The following IPO11 variants were observed in gnomAD, a reference collection of about 807,000 sequenced individuals.
IPO11 encodes importin 11.
IPO11 carries 66 observed loss-of-function variants against 143.2 expected under a neutral mutation model. That is an observed-to-expected ratio of 0.46 (90% CI 0.38 to 0.57). The LOEUF (loss-of-function observed/expected upper bound fraction) is 0.57. Among genes scored for constraint, IPO11 ranks in the 20% least tolerant of loss-of-function variants. The pLI is 0.00. For synonymous variants in IPO11, 385 were observed against 377.8 expected, an observed-to-expected ratio of 1.02 and a Z score of -0.22; for missense variants, 1,026 against 1,141.0, an observed-to-expected ratio of 0.90 and a Z score of 1.45.
rs186231608 is a variant in IPO11 at position 62,558,446 on chromosome 5, A to G, written c.2461-2690A>G. Among the ~76,000 whole-genome samples the G allele has an allele frequency of 8.6e-3, 1,317 of 152,354 alleles. 12 individuals carry two copies. Among genetic ancestry groups the G allele is most frequent in the South Asian group, 0.031 (150 of 4,834 alleles). On this transcript the variant is annotated intron_variant, in intron 26 of 29. Coordinates refer to ENST00000325324, the MANE Select transcript of IPO11 (RefSeq NM_016338.5). ...AGAAACTTTTACTATTTCAACAAAA[A>G]TATAGTGGCTTGCTATTGCTAGTAA...
At chr5:62,435,172 G>GTATATATATGTGTATATATATGTA in intron 1 of IPO11, among the ~76,000 whole-genome samples, 1 of 88,310 alleles carries the variant, frequency 1.1e-5, no homozygotes, top group Admixed American at 1.3e-4. Flanking sequence ...GTATATATAT[G>GTATATATATGTGTATATATATGTA]TATATATGTA....
At chr5:62,590,677 C>A (rs929735639) in intron 27 of IPO11, among the ~76,000 whole-genome samples, 2 of 152,092 alleles carry the variant, frequency 1.3e-5, no homozygotes, top group African/African-American at 4.8e-5. Context: ...GTCTGTGTTA[C>A]TGCCTGCCTG....
rs372526241 is a variant in IPO11 at position 62,626,347 on chromosome 5, A to G, written c.2764-807A>G. On this transcript the variant is annotated intron_variant, in intron 29 of 29. Coordinates refer to ENST00000325324, the MANE Select transcript of IPO11 (RefSeq NM_016338.5). ...CTGGCCCTACATTTTCCAAATATAC[A>G]TGGTACATTTATCAAAATTAAGAAA... 1.2e-4 allele frequency among the ~76,000 whole-genome samples: 18 copies of G among 152,274 alleles called. No homozygotes were observed. In the East Asian group the frequency reaches 1.9e-3, roughly 16 times the overall value.
At position 62,550,406 on chromosome 5, in the gene IPO11, C is replaced by A; in HGVS notation, c.2290C>A (p.Pro764Thr). 1.2e-6 allele frequency: 2 copies of A among 1,612,832 alleles called. No homozygotes were observed. Among genetic ancestry groups the A allele is most frequent in the South Asian group, 1.1e-5 (1 of 90,906 alleles). The stretch of plus-strand genomic sequence containing the variant: ...CCTTAAAGTGAACCCAATACTAGGT[C>A]CACAAATGTTTCAACCGATTTTACC... ...NALKVNPILG[P>T]QMFQPILPYV... The change falls in exon 25 of 30, where the codon CCA becomes ACA. Residue 764 changes from proline to threonine, a missense_variant. Around this residue, in one of 5 missense-constraint regions of IPO11, gnomAD observed 351 missense variants for 358.9 expected, o/e 0.98. Coordinates refer to ENST00000325324, the MANE Select transcript of IPO11 (RefSeq NM_016338.5).
At chr5:62,496,929 C>T (rs768150465) in intron 16 of IPO11, among the ~76,000 whole-genome samples, 7 of 152,190 alleles carry the variant, frequency 4.6e-5, no homozygotes, top group African/African-American at 9.6e-5. Flanking sequence ...CTCTGCCCAG[C>T]GGCCTCTGAT....
chr5:62,504,663 T>C lies in IPO11; in HGVS notation c.1591-4T>C. On this transcript the variant is annotated splice_region_variant and splice_polypyrimidine_tract_variant and intron_variant, in intron 16 of 29. Transcript: ENST00000325324. Reference sequence around the variant, plus strand: ...TTAAAAACTAATGATATACTTTCTTTTAGGTCCGTATTGAAACAGCTACAA... The same window carrying C: ...TTAAAAACTAATGATATACTTTCTTCTAGGTCCGTATTGAAACAGCTACAA... 1 of 1,452,358 alleles carries C rather than the reference T, an allele frequency of 6.9e-7. No individual in the cohort carries two copies. The highest frequency in any genetic ancestry group is 9.4e-7 in the Non-Finnish European group (1 of 1,060,018). The allele number at this position is 1,452,358 out of a possible 1,614,324, so 90.0% of individuals were successfully genotyped here. A position where few individuals can be genotyped will look rare whatever the true frequency, so the allele number is the denominator to read the frequency against.
intron 29 of IPO11, among the ~76,000 whole-genome samples, chr5:62,612,117 A>G (rs1403730360): frequency 1.3e-5 from 2 of 152,158 alleles, no homozygotes; most frequent in South Asian, 4.1e-4. Flanking sequence ...TATATGATCT[A>G]TATGTATTTT....
chr5:62,509,775 G>A (rs1026369355), intron 19 of IPO11, among the ~76,000 whole-genome samples: 22 of 152,156 alleles, frequency 1.4e-4, no homozygotes, highest in Non-Finnish European at 2.8e-4. Context: ...AATACCACAT[G>A]TTCTTTATCC....
chr5:62,438,825 C>T (rs766027828), intron 2 of IPO11, among the ~76,000 whole-genome samples: 1 of 151,844 alleles, frequency 6.6e-6, no homozygotes, highest in Non-Finnish European at 1.5e-5. Context: ...TTTGGGAGGC[C>T]AAGGCGGGCG....
intron 27 of IPO11, among the ~76,000 whole-genome samples, chr5:62,572,253 A>G (rs1311591271): frequency 6.6e-6 from 1 of 152,208 alleles, no homozygotes; most frequent in Admixed American, 6.5e-5. Flanking sequence ...ACTTCTTCCA[A>G]CCACTTAAAA....
intron 27 of IPO11, among the ~76,000 whole-genome samples, chr5:62,566,866 A>G (rs193028513): frequency 1.2e-3 from 188 of 152,064 alleles, no homozygotes; most frequent in Non-Finnish European, 2.5e-3. Flanking sequence ...GTGTGTATAT[A>G]TATTTTTTAG....
At position 62,551,025 on chromosome 5, in the gene IPO11, A is replaced by G. The variant is rs953888722; in HGVS notation, c.2347-198A>G. On this transcript the variant is annotated intron_variant, in intron 25 of 29. Coordinates refer to ENST00000325324, the MANE Select transcript of IPO11 (RefSeq NM_016338.5). ...TAGTATTTTTCTCTTTATTGTATAT[A>G]TATATATATATATGGTGCATATAAT... 3.3e-5 allele frequency among the ~76,000 whole-genome samples: 5 copies of G among 150,156 alleles called. No individual in the cohort carries two copies. The East Asian group carries it at 9.7e-4, about 29-fold the overall frequency.
chr5:62,428,071 GTAGTACACAC>G (rs1202835694), intron 1 of IPO11, among the ~76,000 whole-genome samples: 3 of 152,334 alleles, frequency 2.0e-5, no homozygotes, highest in Admixed American at 6.5e-5. Context: ...TCCAGATGTT[GTAGTACACAC>G]TAGTATCTTT....
At position 62,437,291 on chromosome 5, in the gene IPO11, T is replaced by C; in HGVS notation, c.12T>C (p.Asn4=). 2 of 1,604,112 alleles carry C rather than the reference T, an allele frequency of 1.2e-6. No individual in the cohort carries two copies. The highest frequency in any genetic ancestry group is 1.7e-6 in the Non-Finnish European group (2 of 1,175,470). MDL[N]SASTVVLQVL... The stretch of plus-strand genomic sequence containing the variant: ...ATTGCCAGGTTTCCATGGATCTCAA[T>C]AGTGCCAGCACTGTTGTTCTTCAGG... The change falls in exon 2 of 30, where the codon AAT becomes AAC. Residue 4 remains asparagine, a synonymous_variant. Coordinates refer to ENST00000325324, the MANE Select transcript of IPO11 (RefSeq NM_016338.5).
intron 1 of IPO11, among the ~76,000 whole-genome samples, chr5:62,422,341 G>C (rs1384752579): frequency 1.3e-5 from 2 of 152,082 alleles, no homozygotes; most frequent in East Asian, 1.9e-4. Context: ...TGGCCAGGCT[G>C]GTCTCAAACT....
At position 62,618,170 on chromosome 5, in the gene IPO11, G is replaced by T. The variant is rs552403167; in HGVS notation, c.2764-8984G>T. On this transcript the variant is annotated intron_variant, in intron 29 of 29. Transcript: ENST00000325324. Reference sequence around the variant, plus strand: ...GGTTAAATTATCTGACCACATTAAAGTAAAACCAGGTATTACACAAAGGTT... The same window carrying T: ...GGTTAAATTATCTGACCACATTAAATTAAAACCAGGTATTACACAAAGGTT... Among the ~76,000 whole-genome samples, 11 of 152,168 alleles carry T rather than the reference G, an allele frequency of 7.2e-5. No homozygotes were observed. In the South Asian group the frequency reaches 2.3e-3, roughly 32 times the overall value.
chr5:62,531,584 T>C (rs1360052618), intron 22 of IPO11, among the ~76,000 whole-genome samples: 2 of 152,128 alleles, frequency 1.3e-5, no homozygotes, highest in African/African-American at 4.8e-5. Flanking sequence ...TGCCTTGGCC[T>C]CCCAAAGCGC....
At chr5:62,428,899 T>C (rs531016335) in intron 1 of IPO11, among the ~76,000 whole-genome samples, 1 of 152,258 alleles carries the variant, frequency 6.6e-6, no homozygotes, top group East Asian at 1.9e-4. Context: ...ACTCCTGGAC[T>C]GAAGCTGTCC....
chr5:62,576,356 T>A (rs1221128520), intron 27 of IPO11: 1 of 152,350 alleles, frequency 6.6e-6, no homozygotes, highest in East Asian at 1.9e-4. Flanking sequence ...TAATTGCAAA[T>A]CCCATTTCAC....
Sources: allele counts gnomAD v4.1 joint callset (sites outside exome capture counted in the v4.1 genomes callset), GRCh38; gene constraint gnomAD v4.1.1; regional missense constraint gnomAD v4.1.1; transcripts MANE v1.5; gene names NCBI Gene and HGNC (gene_info 2026-07-23, HGNC 2026-07-21).